Variants in XIRP2 observed in about 807,000 individuals in gnomAD.
XIRP2 encodes the protein xin actin-binding repeat-containing protein 2.
XIRP2 carries 236 observed loss-of-function variants against 277.0 expected under a neutral mutation model. The observed-to-expected ratio is 0.85, with a 90% CI of 0.77 to 0.95. The LOEUF (loss-of-function observed/expected upper bound fraction) is 0.95. XIRP2 is among the 40% of genes least tolerant of loss of function. The pLI is 0.00. For synonymous variants in XIRP2, 1,490 were observed against 1,416.5 expected (o/e 1.05, Z -1.17); for missense variants, 4,640 against 4,157.5 (o/e 1.12, Z -3.19).
rs758174344 is a variant in XIRP2, at chr2:167,246,125, G to A, written c.4733G>A (p.Gly1578Glu). The A allele has an allele frequency of 1.2e-6, 2 of 1,613,312 alleles. No homozygotes were observed. The highest frequency in any genetic ancestry group is 1.1e-5 in the South Asian group (1 of 90,920). The stretch of plus-strand genomic sequence containing the variant: ...ATCATCATTGAAGCTGATGAAATAG[G>A]GGATGTTCGAATGGCAAAATACAAG... ...PGIIIEADEI[G>E]DVRMAKYKLM... Residue 1578 changes from glycine (G) to glutamate (E), a missense_variant, in exon 9 of 11, where the codon GGG becomes GAG. Physicochemically the swap from Gly to Glu is moderately conservative, Grantham distance 98. Transcript: ENST00000409195.
intron 6 of XIRP2, among the ~76,000 whole-genome samples, chr2:167,240,377 T>G (rs1695027111): frequency 1.3e-5 from 2 of 152,138 alleles, no homozygotes; most frequent in African/African-American, 4.8e-5. Context: ...TTCGCGCCAT[T>G]GCACTCCAGC....
At chr2:167,072,319 C>A (rs1689456658) in intron 2 of XIRP2, among the ~76,000 whole-genome samples, 1 of 151,958 alleles carries the variant, frequency 6.6e-6, no homozygotes, top group Middle Eastern at 3.2e-3. Flanking sequence ...ATGTATAATA[C>A]CAAGCAAAAA....
At chr2:166,930,140 G>C (rs760925879) in intron 2 of XIRP2, among the ~76,000 whole-genome samples, 1 of 152,054 alleles carries the variant, frequency 6.6e-6, no homozygotes, top group African/African-American at 2.4e-5. Flanking sequence ...TGAGACATTG[G>C]CAATATGAGT....
chr2:167,224,152 C>T (rs1245234855), intron 5 of XIRP2, among the ~76,000 whole-genome samples: 1 of 152,090 alleles, frequency 6.6e-6, no homozygotes, highest in East Asian at 1.9e-4. Context: ...ATCATAATGA[C>T]ACTAGTTCAC....
chr2:167,164,693 C>A (rs908363078), intron 3 of XIRP2, among the ~76,000 whole-genome samples: 4 of 152,050 alleles, frequency 2.6e-5, no homozygotes, highest in Admixed American at 2.6e-4. Context: ...ATATTCACCT[C>A]CAGTATATTA....
chr2:167,025,723 A>C (rs1445226749), intron 2 of XIRP2, among the ~76,000 whole-genome samples: 1 of 152,148 alleles, frequency 6.6e-6, no homozygotes, highest in Non-Finnish European at 1.5e-5. Flanking sequence ...CCCAGTAGTC[A>C]TTCAGGAGCA....
At chr2:166,913,364 C>G (rs1006409039) in intron 2 of XIRP2, among the ~76,000 whole-genome samples, 1 of 150,282 alleles carries the variant, frequency 6.7e-6, no homozygotes, top group East Asian at 2.0e-4. Context: ...GACTGCGGTG[C>G]TAGCAATGAG....
intron 2 of XIRP2, among the ~76,000 whole-genome samples, chr2:167,086,915 G>T (rs1689963970): frequency 6.6e-6 from 1 of 152,118 alleles, no homozygotes; most frequent in African/African-American, 2.4e-5. Context: ...AGAGTAATTT[G>T]ATCGTCTGAA....
chr2:167,182,526 T>C (rs765193316), intron 3 of XIRP2, among the ~76,000 whole-genome samples: 2 of 152,172 alleles, frequency 1.3e-5, no homozygotes, highest in Admixed American at 6.6e-5. Flanking sequence ...TCACCCAACG[T>C]AGTGCTTGTA....
At chr2:167,039,295 C>T (rs1688594778) in intron 2 of XIRP2, among the ~76,000 whole-genome samples, 2 of 152,104 alleles carry the variant, frequency 1.3e-5, no homozygotes, top group Admixed American at 1.3e-4. Context: ...TGCTAATTTT[C>T]CTTTATTAAT....
intron 9 of XIRP2, among the ~76,000 whole-genome samples, chr2:167,253,123 T>C (rs1327203197): frequency 2.0e-5 from 3 of 151,958 alleles, no homozygotes; most frequent in Non-Finnish European, 4.4e-5. Context: ...AACCTGAGCA[T>C]ATTTTCTTTT....
At chr2:167,054,942 C>A (rs1359732730) in intron 2 of XIRP2, among the ~76,000 whole-genome samples, 1 of 152,140 alleles carries the variant, frequency 6.6e-6, no homozygotes, top group Non-Finnish European at 1.5e-5. Flanking sequence ...ACAAGCCACT[C>A]CAAAACTTAG....
At chr2:167,176,304 C>CCTT (rs138303450) in intron 3 of XIRP2, among the ~76,000 whole-genome samples, 14,994 of 152,176 alleles carry the variant, frequency 0.099, 785 homozygotes, top group South Asian at 0.15. Flanking sequence ...AATGCCCCAC[C>CCTT]CTTCTGCTCG....
At chr2:167,097,036 A>C (rs1193655879) in intron 2 of XIRP2, among the ~76,000 whole-genome samples, 2 of 152,130 alleles carry the variant, frequency 1.3e-5, no homozygotes, top group Non-Finnish European at 2.9e-5. Flanking sequence ...TTTTGGGTGG[A>C]GAGTTCTGTA....
At chr2:166,947,884 A>T (rs1685921518) in intron 2 of XIRP2, among the ~76,000 whole-genome samples, 3 of 152,132 alleles carry the variant, frequency 2.0e-5, no homozygotes, top group African/African-American at 7.2e-5. Flanking sequence ...TGAATGGATA[A>T]ACTGGTACAT....
intron 2 of XIRP2, among the ~76,000 whole-genome samples, chr2:167,088,860 G>C (rs574655246): frequency 9.9e-5 from 15 of 152,208 alleles, no homozygotes; most frequent in African/African-American, 3.6e-4. Flanking sequence ...TATGCCCCAA[G>C]ATAGATCACA....
intron 5 of XIRP2, among the ~76,000 whole-genome samples, chr2:167,219,688 C>T (rs1240813682): frequency 2.6e-5 from 4 of 152,146 alleles, no homozygotes; most frequent in African/African-American, 7.2e-5. Flanking sequence ...AGGGACTCTA[C>T]GTTTTCATTT....
intron 5 of XIRP2, among the ~76,000 whole-genome samples, chr2:167,220,366 A>G (rs1694384895): frequency 1.3e-5 from 2 of 152,194 alleles, no homozygotes; most frequent in South Asian, 4.1e-4. Flanking sequence ...TTTGTCTCTC[A>G]GTTTCCCTAA....
intron 1 of XIRP2, among the ~76,000 whole-genome samples, chr2:166,888,868 T>C (rs1221893576): frequency 6.6e-6 from 1 of 152,182 alleles, no homozygotes; most frequent in Non-Finnish European, 1.5e-5. Context: ...AGTTTGGCTA[T>C]ATATTATATT....
Sources: allele counts gnomAD v4.1 joint callset (sites outside exome capture counted in the v4.1 genomes callset), GRCh38; gene constraint gnomAD v4.1.1; transcripts MANE v1.5; gene names NCBI Gene and HGNC (gene_info 2026-07-23, HGNC 2026-07-21).